The following DSCAML1 variants were observed in gnomAD, a reference collection of about 807,000 sequenced individuals.
The protein encoded by DSCAML1 is DS cell adhesion molecule like 1.
A neutral mutation model predicts 200.5 loss-of-function variants in DSCAML1; 38 were observed. The ratio of observed to expected loss-of-function variants is 0.19; its 90% CI spans 0.15 to 0.25. The LOEUF (loss-of-function observed/expected upper bound fraction) is 0.25. Ranked by LOEUF, DSCAML1 falls within the 10% of genes least tolerant of loss-of-function variation. The pLI, the probability that DSCAML1 is intolerant of heterozygous loss-of-function variation, is 1.00. For synonymous variants in DSCAML1, 1,215 were observed against 1,165.0 expected (o/e 1.04, Z -0.87); for missense variants, 2,223 against 2,858.8 (o/e 0.78, Z 5.07).
At chr11:117,515,145 A>T (rs575398404) in intron 8 of DSCAML1, among the ~76,000 whole-genome samples, 1 of 152,332 alleles carries the variant, frequency 6.6e-6, no homozygotes, top group Admixed American at 6.5e-5. Context: ...TGAGGTCTTC[A>T]TGCTTCTGTA....
intron 3 of DSCAML1, among the ~76,000 whole-genome samples, chr11:117,769,119 A>G (rs1331053107): frequency 2.3e-5 from 3 of 128,610 alleles, no homozygotes; most frequent in African/African-American, 8.8e-5. Context: ...TAGATATTTT[A>G]TATATATTAT....
At chr11:117,713,206 C>G (rs1433899973) in intron 3 of DSCAML1, among the ~76,000 whole-genome samples, 1 of 152,200 alleles carries the variant, frequency 6.6e-6, no homozygotes, top group African/African-American at 2.4e-5. Flanking sequence ...AAGCATTTCT[C>G]CTGCCTTCAA....
At chr11:117,566,103 G>A (rs1042481522) in intron 3 of DSCAML1, among the ~76,000 whole-genome samples, 1 of 152,114 alleles carries the variant, frequency 6.6e-6, no homozygotes, top group African/African-American at 2.4e-5. Context: ...TTATCCTCCT[G>A]CAATCCTCCC....
At chr11:117,439,030 G>A (rs2137079940) in intron 23 of DSCAML1, 47 bp from the exon 24 acceptor site, 1 of 1,543,704 alleles carries the variant, frequency 6.5e-7, no homozygotes. Flanking sequence ...CGGACCCTGT[G>A]ATGGGGTGTG....
intron 3 of DSCAML1, among the ~76,000 whole-genome samples, chr11:117,665,289 T>G (rs1269267555): frequency 1.3e-5 from 2 of 152,244 alleles, no homozygotes; most frequent in Non-Finnish European, 2.9e-5. Flanking sequence ...TCGTACGAGC[T>G]GGGCAGTTAT....
chr11:117,542,250 C>T (rs956176053), intron 3 of DSCAML1, among the ~76,000 whole-genome samples: 3 of 152,032 alleles, frequency 2.0e-5, no homozygotes, highest in Non-Finnish European at 2.9e-5. Context: ...GAGCCGAGAT[C>T]GCATGACTGC....
At chr11:117,690,954 C>T (rs548812354) in intron 3 of DSCAML1, among the ~76,000 whole-genome samples, 39 of 152,246 alleles carry the variant, frequency 2.6e-4, no homozygotes, top group Admixed American at 2.2e-3. Context: ...AAACCTCAAA[C>T]CAAAACAACT....
rs1167742358 is a variant in DSCAML1, at chr11:117,642,163, T to C, written c.512-109641A>G. ...CCCCAACCCCAACCACACTGGATCATAAAGCCTAAAGAGCAGACGGCATGA... is the reference window on the plus strand; with the variant it reads ...CCCCAACCCCAACCACACTGGATCACAAAGCCTAAAGAGCAGACGGCATGA... On this transcript the variant is annotated intron_variant, in intron 3 of 32. Transcript: ENST00000651296. The surrounding 1 kb of genome is among the most constrained non-coding windows in gnomAD (Gnocchi z 4.1). Among the ~76,000 whole-genome samples, 1 of 152,180 alleles carries C rather than the reference T, an allele frequency of 6.6e-6. No individual in the cohort carries two copies. Among genetic ancestry groups the C allele is most frequent in the Non-Finnish European group, 1.5e-5 (1 of 68,034 alleles).
At chr11:117,797,301 C>G, upstream of DSCAML1, 8 of 1,319,104 alleles carry the variant, frequency 6.1e-6, no homozygotes, top group Non-Finnish European at 6.7e-6. Flanking sequence ...CGCCCCCCCG[C>G]GGCACCCCGG....
At chr11:117,706,357 C>T (rs765398192) in intron 3 of DSCAML1, among the ~76,000 whole-genome samples, 1 of 152,194 alleles carries the variant, frequency 6.6e-6, no homozygotes, top group Non-Finnish European at 1.5e-5. Flanking sequence ...CAGAAGCCTA[C>T]AGGCGTACAG....
chr11:117,553,403 A>G (rs1461946857), intron 3 of DSCAML1, among the ~76,000 whole-genome samples: 3 of 152,228 alleles, frequency 2.0e-5, no homozygotes, highest in African/African-American at 7.2e-5. Context: ...AGGGGTTAAT[A>G]TCCAGAATAT....
intron 19 of DSCAML1, among the ~76,000 whole-genome samples, chr11:117,456,421 A>G (rs1744974679): frequency 6.6e-6 from 1 of 152,220 alleles, no homozygotes; most frequent in Non-Finnish European, 1.5e-5. Flanking sequence ...GGAAAGGATA[A>G]AGTATACGGA....
rs758558941 is a variant in DSCAML1 at position 117,437,804 on chromosome 11, C to T, written c.4432+91G>A. 2.2e-5 allele frequency: 31 copies of T among 1,378,362 alleles called. No individual in the cohort carries two copies. Among genetic ancestry groups the T allele is most frequent in the Non-Finnish European group, 2.9e-5 (30 of 1,042,834 alleles). 85.4% of individuals were successfully genotyped at this position (1,378,362 alleles called of 1,614,324 possible). A position where few individuals can be genotyped will look rare whatever the true frequency, so the allele number is the denominator to read the frequency against. ...GCATCCCTGGACCCCTCCTTCCCCA[C>T]CCCAGCCACCTTACACCCCATACCT... On this transcript the variant is annotated intron_variant, in intron 25 of 32. Coordinates refer to ENST00000651296, the MANE Select transcript of DSCAML1 (RefSeq NM_020693.4). The surrounding 1 kb of genome is among the most constrained non-coding windows in gnomAD (Gnocchi z 5.3).
chr11:117,628,299 C>A (rs572469455), intron 3 of DSCAML1, among the ~76,000 whole-genome samples: 2 of 152,252 alleles, frequency 1.3e-5, no homozygotes, highest in African/African-American at 4.8e-5. Flanking sequence ...ACCAAGGCAG[C>A]CTCTGTTCAG....
intron 3 of DSCAML1, among the ~76,000 whole-genome samples, chr11:117,600,364 G>A (rs1315537024): frequency 6.6e-6 from 1 of 152,162 alleles, no homozygotes; most frequent in Non-Finnish European, 1.5e-5. Flanking sequence ...TCCCGGCTGA[G>A]CTGGGATGCA....
chr11:117,570,662 T>A (rs2050833084), intron 3 of DSCAML1, among the ~76,000 whole-genome samples: 1 of 152,218 alleles, frequency 6.6e-6, no homozygotes, highest in Non-Finnish European at 1.5e-5. Flanking sequence ...ATCTATTGTG[T>A]GTGTATGCAA....
At chr11:117,798,733 T>C (rs2055627081), upstream of DSCAML1, among the ~76,000 whole-genome samples, 1 of 152,178 alleles carries the variant, frequency 6.6e-6, no homozygotes, top group Non-Finnish European at 1.5e-5. Context: ...CTTGGCTTAC[T>C]TCACTCAGCA....
chr11:117,536,162 TGG>T (rs547437513), intron 3 of DSCAML1, among the ~76,000 whole-genome samples: 293 of 152,092 alleles, frequency 1.9e-3, no homozygotes, highest in South Asian at 8.7e-3. Flanking sequence ...TTAGTCCCCT[TGG>T]GGGGGCTTGT....
At chr11:117,772,639 G>A (rs750585516) in intron 3 of DSCAML1, among the ~76,000 whole-genome samples, 21 of 152,182 alleles carry the variant, frequency 1.4e-4, no homozygotes, top group Non-Finnish European at 2.9e-4. Flanking sequence ...CAGGTCTGGT[G>A]GAAATTAAAA....
Sources: allele counts gnomAD v4.1 joint callset (sites outside exome capture counted in the v4.1 genomes callset), GRCh38; gene constraint gnomAD v4.1.1; non-coding constraint Gnocchi (gnomAD v3.1); transcripts MANE v1.5; gene names NCBI Gene and HGNC (gene_info 2026-07-23, HGNC 2026-07-21).